Variants in FRAS1 observed in about 807,000 individuals in gnomAD.
FRAS1 encodes the protein extracellular matrix organizing protein FRAS1.
A neutral mutation model predicts 435.2 loss-of-function variants in FRAS1; 290 were observed. The observed-to-expected ratio is 0.67, with a 90% CI of 0.61 to 0.73. The LOEUF (loss-of-function observed/expected upper bound fraction) is 0.73, where lower values mean the gene tolerates loss of function less well. FRAS1 is among the 30% of genes least tolerant of loss of function. The pLI is 0.00. For synonymous variants in FRAS1, 1,800 were observed against 1,851.0 expected (o/e 0.97, Z 0.71); for missense variants, 4,860 against 5,001.5 (o/e 0.97, Z 0.85).
chr4:78,292,805 A>G (rs1727959148), intron 14 of FRAS1, among the ~76,000 whole-genome samples: 1 of 152,166 alleles, frequency 6.6e-6, no homozygotes, highest in Non-Finnish European at 1.5e-5. Context: ...TCTCAGTTTC[A>G]TTGCCGGGTC....
At chr4:78,369,026 A>G (rs775098702) in intron 22 of FRAS1, among the ~76,000 whole-genome samples, 1 of 152,212 alleles carries the variant, frequency 6.6e-6, no homozygotes, top group Non-Finnish European at 1.5e-5. Flanking sequence ...AGGGGGTCAG[A>G]GCGGAGATGG....
At chr4:78,271,679 G>A (rs561537789) in intron 9 of FRAS1, among the ~76,000 whole-genome samples, 2 of 152,326 alleles carry the variant, frequency 1.3e-5, no homozygotes, top group Non-Finnish European at 2.9e-5. Flanking sequence ...ATTCCATGGT[G>A]TATATGTGCC....
chr4:78,470,111 C>T lies in FRAS1; in HGVS notation c.7371+20C>T. 4 of 1,499,466 alleles carry T rather than the reference C, an allele frequency of 2.7e-6. No individual in the cohort carries two copies. In the Middle Eastern group the frequency reaches 6.9e-4, roughly 257 times the overall value. 92.9% of individuals were successfully genotyped at this position (1,499,466 alleles called of 1,614,324 possible). A position where few individuals can be genotyped will look rare whatever the true frequency, so the allele number is the denominator to read the frequency against. ...GGCAAGGTAAGGCCTGTCCCTCTGT[C>T]ATGTTCACACCACCCAACTTGGGCT... On this transcript the variant is annotated intron_variant, in intron 51 of 73. Transcript: ENST00000512123.
At position 78,469,983 on chromosome 4, in the gene FRAS1, G is replaced by C. The variant is rs1200425712; in HGVS notation, c.7263G>C (p.Met2421Ile). 3 of 1,612,498 alleles carry C rather than the reference G, an allele frequency of 1.9e-6. No individual in the cohort carries two copies. The highest frequency in any genetic ancestry group is 2.5e-6 in the Non-Finnish European group (3 of 1,178,964). Reference protein sequence around the residue: ...FIIEEGGKEIMTAAPQPFRVD... With the variant: ...FIIEEGGKEIITAAPQPFRVD... ...TTTTCTGCCCTCCCCTTCAGATTATGACAGCAGCACCTCAGCCGTTCCGAG... is the reference window on the plus strand; with the variant it reads ...TTTTCTGCCCTCCCCTTCAGATTATCACAGCAGCACCTCAGCCGTTCCGAG... The change falls in exon 51 of 74, where the codon ATG becomes ATC. Residue 2421 changes from methionine to isoleucine, a missense_variant. Met to Ile is a conservative substitution (Grantham distance 10). Transcript: ENST00000512123.
At chr4:78,276,969 C>T (rs1046823304) in intron 9 of FRAS1, among the ~76,000 whole-genome samples, 6 of 152,166 alleles carry the variant, frequency 3.9e-5, no homozygotes, top group African/African-American at 9.7e-5. Flanking sequence ...CTACCCAGTT[C>T]GAGCTTCCCA....
At chr4:78,147,413 T>C (rs931288672) in intron 2 of FRAS1, among the ~76,000 whole-genome samples, 2 of 152,192 alleles carry the variant, frequency 1.3e-5, no homozygotes, top group East Asian at 1.9e-4. Flanking sequence ...TAATTCTAGC[T>C]TTGCTGTTAG....
rs115018571 is a variant in FRAS1, at chr4:78,390,255, G to A, written c.3975+2554G>A. 7.6e-3 allele frequency among the ~76,000 whole-genome samples: 1,152 copies of A among 152,222 alleles called. 9 individuals are homozygous for A. Among genetic ancestry groups the A allele is most frequent in the Middle Eastern group, 0.024 (7 of 294 alleles). On this transcript the variant is annotated intron_variant, in intron 29 of 73. Coordinates refer to ENST00000512123, the MANE Select transcript of FRAS1 (RefSeq NM_025074.7). ...TTTTCTAATGGAGATTCTATTATGG[G>A]TGGAAGTTTTTTGTTTTGTTTTTGA...
chr4:78,132,618 C>T (rs1719735148), intron 2 of FRAS1, among the ~76,000 whole-genome samples: 1 of 152,118 alleles, frequency 6.6e-6, no homozygotes, highest in Admixed American at 6.6e-5. Flanking sequence ...TCTGGTTGTT[C>T]AGGAGACAGG....
chr4:78,057,933 C>G lies in FRAS1; in HGVS notation c.-77C>G. 7.0e-7 allele frequency: 1 copy of G among 1,433,336 alleles called. No individual in the cohort carries two copies. Among genetic ancestry groups the G allele is most frequent in the Non-Finnish European group, 9.8e-7 (1 of 1,023,226 alleles). The allele number at this position is 1,433,336 out of a possible 1,614,324, so 88.8% of individuals were successfully genotyped here. On this transcript the variant is annotated 5_prime_UTR_variant, in exon 1 of 74. Coordinates refer to ENST00000512123, the MANE Select transcript of FRAS1 (RefSeq NM_025074.7). This position sits in a 1 kb window ranked among gnomAD's most constrained non-coding sequence, Gnocchi z 4.2. ...CTTCAGTGCGCCCGGGTTCCAAGCG[C>G]CGGAGCCAGCGTTTTGGCGGAGCCG...
chr4:78,382,838 G>A (rs1391026271), intron 27 of FRAS1, among the ~76,000 whole-genome samples: 1 of 152,166 alleles, frequency 6.6e-6, no homozygotes, highest in African/African-American at 2.4e-5. Flanking sequence ...GGTGACCACT[G>A]ATCCATTTTT....
At chr4:78,450,482 C>CTT in intron 45 of FRAS1, 143 bp downstream of exon 45, 4 of 624,690 alleles carry the variant, frequency 6.4e-6, no homozygotes, top group Admixed American at 6.8e-5. Context: ...TCCTTGTTTT[C>CTT]TTATTTTTTT....
chr4:78,100,642 T>C (rs1742075861), intron 2 of FRAS1, among the ~76,000 whole-genome samples: 1 of 152,256 alleles, frequency 6.6e-6, no homozygotes, highest in African/African-American at 2.4e-5. Context: ...TTATCTGTCA[T>C]GATCTTGACA....
At chr4:78,499,413 T>G (rs1457723372) in intron 60 of FRAS1, among the ~76,000 whole-genome samples, 1 of 152,208 alleles carries the variant, frequency 6.6e-6, no homozygotes, top group Admixed American at 6.5e-5. Flanking sequence ...TTCTGTGAAC[T>G]GTAGTGCCGA....
intron 2 of FRAS1, among the ~76,000 whole-genome samples, chr4:78,177,318 A>G (rs776690024): frequency 6.6e-6 from 1 of 152,224 alleles, no homozygotes; most frequent in East Asian, 1.9e-4. Flanking sequence ...AAATGGTAGT[A>G]CATAGGTATT....
At chr4:78,407,913 C>T (rs1733165529) in intron 31 of FRAS1, 72 bp downstream of exon 31, 5 of 1,329,154 alleles carry the variant, frequency 3.8e-6, no homozygotes, top group South Asian at 1.8e-5. Flanking sequence ...TTATAATCAA[C>T]TTGAGTAATT....
At chr4:78,328,242 A>G (rs1270626639) in intron 18 of FRAS1, among the ~76,000 whole-genome samples, 1 of 152,212 alleles carries the variant, frequency 6.6e-6, no homozygotes, top group Non-Finnish European at 1.5e-5. Flanking sequence ...AATGAAATGA[A>G]ATGTTTGTAC....
chr4:78,481,223 C>T (rs2109858897), intron 56 of FRAS1, among the ~76,000 whole-genome samples: 1 of 152,314 alleles, frequency 6.6e-6, no homozygotes, highest in Non-Finnish European at 1.5e-5. Flanking sequence ...AGCATGATGT[C>T]ACAGTGGACA....
chr4:78,066,563 G>A (rs1368887984), intron 2 of FRAS1, among the ~76,000 whole-genome samples: 1 of 152,190 alleles, frequency 6.6e-6, no homozygotes, highest in Non-Finnish European at 1.5e-5. Flanking sequence ...GGGAAAGGCT[G>A]ATGTAAGTCT....
chr4:78,534,481 A>T lies in FRAS1; in HGVS notation c.10958A>T (p.Asn3653Ile). 1 of 1,613,464 alleles carries T rather than the reference A, an allele frequency of 6.2e-7. No individual in the cohort carries two copies. ...ATACCCATTGCATTCCAGCAGACCA[A>T]CCGCCCTGTGCCAGTTGTGTATTCA... ...FLIPIAFQQTNRPVPVVYSLN... is the reference protein window; with the variant it reads ...FLIPIAFQQTIRPVPVVYSLN... The change falls in exon 71 of 74, where the codon AAC becomes ATC. Residue 3653 changes from asparagine (N) to isoleucine (I), a missense_variant. Asn to Ile is a moderately radical substitution (Grantham distance 149). Transcript: ENST00000512123.
Sources: allele counts gnomAD v4.1 joint callset (sites outside exome capture counted in the v4.1 genomes callset), GRCh38; gene constraint gnomAD v4.1.1; non-coding constraint Gnocchi (gnomAD v3.1); transcripts MANE v1.5; gene names NCBI Gene and HGNC (gene_info 2026-07-23, HGNC 2026-07-21).